RFX7: variants seen among roughly 807,000 people sequenced by gnomAD.
RFX7 encodes the protein DNA-binding protein RFX7.
In RFX7, 26 loss-of-function variants were observed where a neutral mutation model predicts 111.8. The ratio of observed to expected loss-of-function variants is 0.23; its 90% CI spans 0.17 to 0.32. The LOEUF is 0.32. Ranked by LOEUF, RFX7 falls within the 10% of genes least tolerant of loss-of-function variation. The pLI, the probability that RFX7 is intolerant of heterozygous loss-of-function variation, is 1.00. For missense variants in RFX7, 1,573 were observed against 1,772.9 expected, an observed-to-expected ratio of 0.89 and a Z score of 2.02; for synonymous variants, 624 against 624.4, an observed-to-expected ratio of 1.00 and a Z score of 0.01.
intron 9 of RFX7, among the ~76,000 whole-genome samples, chr15:56,097,778 C>T (rs2041701550): frequency 1.2e-5 from 1 of 85,504 alleles, no homozygotes; most frequent in Admixed American, 1.1e-4. Flanking sequence ...AAAATCTTGG[C>T]TCAGCCAGGG....
chr15:56,243,932 T>G (rs1351153052), upstream of RFX7: 4 of 149,218 alleles, frequency 2.7e-5, no homozygotes, highest in African/African-American at 9.8e-5. Context: ...CCGGGGGGCG[T>G]GGACCAGGGT....
At position 56,093,500 on chromosome 15, in the gene RFX7, G is replaced by A. The variant is rs548638907; in HGVS notation, c.4228C>T (p.Arg1410Cys). The A allele has an allele frequency of 1.6e-5, 26 of 1,613,674 alleles. No homozygotes were observed. The highest frequency in any genetic ancestry group is 5.5e-5 in the South Asian group (5 of 91,058). ...GCTTCATCATCTTGTCCCTGCTGAC[G>A]ACCTGGATCAAACAGTAGATTTGGG... ...LDPNLLFDPG[R>C]QQGQDDEATL... Residue 1410 changes from arginine (R) to cysteine (C), a missense_variant, in exon 10 of 10, where the codon CGT becomes TGT. This residue lies in a region of RFX7 where 411 missense variants were observed against 478.1 expected (regional missense o/e 0.86). Coordinates refer to ENST00000559447, the MANE Select transcript of RFX7 (RefSeq NM_022841.7).
chr15:56,219,063 T>TA lies in RFX7; in HGVS notation c.161+24061dup, dbSNP rs771818491. Among the ~76,000 whole-genome samples the TA allele has an allele frequency of 1.3e-5, 2 of 152,336 alleles. 1 individual carries two copies. On this transcript the variant is annotated intron_variant, in intron 2 of 9. Transcript: ENST00000559447. ...CCTTCTGGGGTTTATTATAAAAAGT[T>TA]AAAGTGTAATAATTTCTTAATTAAT...
At chr15:56,111,661 C>CAAAAAAAAAAAAAAAAAAAAAAAA (rs371681721) in intron 5 of RFX7, among the ~76,000 whole-genome samples, 4 of 95,576 alleles carry the variant, frequency 4.2e-5, no homozygotes, top group Admixed American at 1.1e-4. Flanking sequence ...ATAAATAAAC[C>CAAAAAAAAAAAAAAAAAAAAAAAA]AAAAAAAAAA....
intron 2 of RFX7, among the ~76,000 whole-genome samples, chr15:56,219,363 G>C (rs72738686): frequency 0.13 from 19,845 of 152,066 alleles, 1,703 homozygotes; most frequent in East Asian, 0.44. Flanking sequence ...TATATTTATT[G>C]TAAATATTTT....
chr15:56,102,431 T>A (rs1371454043), intron 6 of RFX7, among the ~76,000 whole-genome samples, 178 bp from the exon 7 acceptor site: 6 of 152,242 alleles, frequency 3.9e-5, no homozygotes, highest in African/African-American at 1.4e-4. Context: ...TTTTACTCTT[T>A]TGAAACTGAA....
intron 2 of RFX7, among the ~76,000 whole-genome samples, chr15:56,232,941 C>G (rs2043582645): frequency 6.6e-6 from 1 of 152,180 alleles, no homozygotes; most frequent in African/African-American, 2.4e-5. Context: ...TCCAAACTTT[C>G]TCACAAAGTT....
chr15:56,158,503 A>AT lies in RFX7; in HGVS notation c.196-14021dup, dbSNP rs1314521504. On this transcript the variant is annotated intron_variant, in intron 3 of 9. Transcript: ENST00000559447. ...ATTTAAAACATTAAAGTAGAAAAAA[A>AT]TTTTTTTTTACAGAGATAGGGTCTC... Among the ~76,000 whole-genome samples, 49 of 151,710 alleles carry AT rather than the reference A, an allele frequency of 3.2e-4. No homozygotes were observed. The East Asian group carries it at 6.0e-3, about 19-fold the overall frequency.
In RFX7 at chr15:56,095,337, T is replaced by C. The variant is rs768017847; in HGVS notation, c.2391A>G (p.Glu797=). The C allele has an allele frequency of 1.2e-6, 2 of 1,613,808 alleles. No homozygotes were observed. Among genetic ancestry groups the C allele is most frequent in the Non-Finnish European group, 1.7e-6 (2 of 1,179,862 alleles). ...KDSEFISASC[E]QQQDISVMTI... is the part of the protein sequence containing the mutation. The stretch of plus-strand genomic sequence containing the variant: ...TCATAACACTGATATCTTGCTGTTG[T>C]TCACAACTGGCAGATATAAACTCAG... The change falls in exon 10 of 10, where the codon GAA becomes GAG. Residue 797 remains glutamate, a synonymous_variant. Coordinates refer to ENST00000559447, the MANE Select transcript of RFX7 (RefSeq NM_022841.7).
intron 3 of RFX7, among the ~76,000 whole-genome samples, chr15:56,176,018 C>G (rs1338578546): frequency 6.6e-6 from 1 of 152,076 alleles, no homozygotes; most frequent in African/African-American, 2.4e-5. Flanking sequence ...ATGACCTATC[C>G]CACATGGTTA....
intron 3 of RFX7, among the ~76,000 whole-genome samples, chr15:56,165,846 G>T (rs1274865204): frequency 3.9e-5 from 6 of 152,206 alleles, no homozygotes; most frequent in African/African-American, 1.2e-4. Context: ...ATGTAATACA[G>T]ACTTAAATGA....
At chr15:56,192,763 G>C in intron 2 of RFX7, 1 of 223,602 alleles carries the variant, frequency 4.5e-6, no homozygotes, top group South Asian at 7.8e-5. Context: ...AATTTCATCA[G>C]GGGCACTGGG....
In RFX7 at chr15:56,094,189, C is replaced by T. The variant is rs1228383332; in HGVS notation, c.3539G>A (p.Ser1180Asn). Residue 1180 changes from serine (S) to asparagine (N), a missense_variant, in exon 10 of 10, where the codon AGC (serine) becomes AAC (asparagine). Ser to Asn is a conservative substitution (Grantham distance 46). Around this residue, in one of 7 missense-constraint regions of RFX7, gnomAD observed 411 missense variants for 478.1 expected, o/e 0.86. Transcript: ENST00000559447. ...GATATTAGATACTGGATAGAGGGTGCTTCCACTAAGATTACGTTGGCGATG... is the reference window on the plus strand; with the variant it reads ...GATATTAGATACTGGATAGAGGGTGTTTCCACTAAGATTACGTTGGCGATG... ...AVHRQRNLSG[S>N]TLYPVSNIPR... 3 of 1,613,932 alleles carry T rather than the reference C, an allele frequency of 1.9e-6. No homozygotes were observed. The highest frequency in any genetic ancestry group is 2.2e-5 in the East Asian group (1 of 44,876).
intron 2 of RFX7, 61 bp downstream of exon 2, chr15:56,243,064 C>CCCCCA: frequency 8.9e-7 from 1 of 1,128,234 alleles, no homozygotes; most frequent in Non-Finnish European, 1.2e-6. Context: ...CCGCCCCCCA[C>CCCCCA]CCACTTTGCA....
intron 2 of RFX7, among the ~76,000 whole-genome samples, chr15:56,197,868 T>C (rs1404459318): frequency 6.6e-6 from 1 of 152,150 alleles, no homozygotes; most frequent in Non-Finnish European, 1.5e-5. Flanking sequence ...ACCACTTAAG[T>C]GCATCTGGGC....
At chr15:56,150,124 T>G (rs1293052472) in intron 3 of RFX7, among the ~76,000 whole-genome samples, 2 of 152,180 alleles carry the variant, frequency 1.3e-5, no homozygotes, top group African/African-American at 4.8e-5. Flanking sequence ...AAGTTCAAAC[T>G]GGGTGGAGCC....
chr15:56,133,609 T>C (rs1322628609), intron 5 of RFX7, among the ~76,000 whole-genome samples: 1 of 152,140 alleles, frequency 6.6e-6, no homozygotes, highest in Non-Finnish European at 1.5e-5. Flanking sequence ...TGCCTAATGA[T>C]TGTGTGTCTA....
At chr15:56,211,733 C>T (rs528773810) in intron 2 of RFX7, among the ~76,000 whole-genome samples, 1 of 152,114 alleles carries the variant, frequency 6.6e-6, no homozygotes, top group Non-Finnish European at 1.5e-5. Context: ...TGAATAGATA[C>T]TTCACCGAAG....
intron 2 of RFX7, among the ~76,000 whole-genome samples, chr15:56,185,094 A>G (rs1335206868): frequency 6.6e-6 from 1 of 152,210 alleles, no homozygotes; most frequent in Non-Finnish European, 1.5e-5. Context: ...TAAGCACACA[A>G]AAGAAAGACT....
Sources: gnomAD v4.1 joint callset for allele counts (sites outside exome capture counted in the v4.1 genomes callset) on GRCh38, gnomAD v4.1.1 for gene constraint, gnomAD v4.1.1 regional missense constraint, MANE v1.5 for transcripts, NCBI Gene and HGNC (gene_info 2026-07-23, HGNC 2026-07-21) for gene names.